KCNK2: variants seen among roughly 807,000 people sequenced by gnomAD.
KCNK2 encodes the protein potassium channel subfamily K member 2.
A neutral mutation model predicts 40.5 loss-of-function variants in KCNK2; 21 were observed. That is an observed-to-expected ratio of 0.52 (90% CI 0.37 to 0.75). The LOEUF (loss-of-function observed/expected upper bound fraction) is 0.75, where lower values mean the gene tolerates loss of function less well. Among genes scored for constraint, KCNK2 ranks in the 30% least tolerant of loss-of-function variants. The probability of loss-of-function intolerance (pLI) is 0.00; values close to 1 mark genes in which losing one functional copy is unlikely to be tolerated. For missense variants in KCNK2, 399 were observed against 531.6 expected (o/e 0.75, Z 2.45); for synonymous variants, 191 against 202.2 (o/e 0.94, Z 0.47).
chr1:215,090,887 T>C (rs1442922563), intron 2 of KCNK2, among the ~76,000 whole-genome samples: 1 of 152,184 alleles, frequency 6.6e-6, no homozygotes, highest in Non-Finnish European at 1.5e-5. Context: ...CTTCTCTTTA[T>C]ACTAGGCATC....
chr1:215,177,740 A>ATATTTTT (rs71167812), intron 5 of KCNK2, among the ~76,000 whole-genome samples: 1,771 of 101,506 alleles, frequency 0.017, 39 homozygotes, highest in East Asian at 0.039. Context: ...ATATATATAT[A>ATATTTTT]TTTTTTTTTT....
At chr1:215,203,497 TATCTC>T (rs2102675506) in intron 6 of KCNK2, among the ~76,000 whole-genome samples, 1 of 152,164 alleles carries the variant, frequency 6.6e-6, no homozygotes, top group South Asian at 2.1e-4. Flanking sequence ...AATATCAAAT[TATCTC>T]AAATCAATTT....
At chr1:215,080,870 T>TA (rs1659127665), upstream of KCNK2, among the ~76,000 whole-genome samples, 1 of 152,212 alleles carries the variant, frequency 6.6e-6, no homozygotes, top group Non-Finnish European at 1.5e-5. Context: ...AACACGAATC[T>TA]AAAATCTAAG....
intron 2 of KCNK2, among the ~76,000 whole-genome samples, 161 bp downstream of exon 2, chr1:215,086,839 C>T (rs1226536568): frequency 6.6e-6 from 1 of 152,186 alleles, no homozygotes; most frequent in African/African-American, 2.4e-5. Context: ...TTCTTTGTCT[C>T]ATTTCCACTT....
intron 1 of KCNK2, among the ~76,000 whole-genome samples, chr1:215,021,694 C>T (rs1474894267): frequency 3.9e-5 from 6 of 151,930 alleles, no homozygotes; most frequent in South Asian, 2.1e-4. Context: ...TACAGGCGCC[C>T]GCCACCACGC....
intron 1 of KCNK2, among the ~76,000 whole-genome samples, chr1:215,033,953 C>G (rs1199712398): frequency 6.6e-6 from 1 of 152,148 alleles, no homozygotes; most frequent in Non-Finnish European, 1.5e-5. Flanking sequence ...CAAGTTTTAT[C>G]TCTTGGTCTT....
intron 1 of KCNK2, among the ~76,000 whole-genome samples, chr1:215,065,561 C>A (rs1157492): frequency 6.6e-6 from 1 of 151,838 alleles, no homozygotes; most frequent in Non-Finnish European, 1.5e-5. Flanking sequence ...CTTCTTAATG[C>A]CTCAGTTTCA....
At chr1:215,223,176 G>A (rs542345431) in intron 6 of KCNK2, among the ~76,000 whole-genome samples, 43 of 140,984 alleles carry the variant, frequency 3.0e-4, no homozygotes, top group Non-Finnish European at 5.5e-4. Flanking sequence ...GAAGCCATCC[G>A]TTAGGTGGAA....
At chr1:215,099,710 A>G (rs754761279) in intron 2 of KCNK2, among the ~76,000 whole-genome samples, 16 of 151,958 alleles carry the variant, frequency 1.1e-4, no homozygotes, top group Admixed American at 1.1e-3. Context: ...AGCACATTTT[A>G]AGGAAAAAAG....
intron 6 of KCNK2, among the ~76,000 whole-genome samples, chr1:215,206,197 A>G (rs576322049): frequency 6.6e-6 from 1 of 152,284 alleles, no homozygotes; most frequent in African/African-American, 2.4e-5. Flanking sequence ...GTGATGCTGA[A>G]TCGGTTTTGT....
At chr1:215,108,832 G>A (rs951340783) in intron 2 of KCNK2, among the ~76,000 whole-genome samples, 1 of 151,642 alleles carries the variant, frequency 6.6e-6, no homozygotes, top group Non-Finnish European at 1.5e-5. Context: ...GTGGATGTGT[G>A]TGTGTGAGGG....
At chr1:215,139,723 A>G (rs1028780404) in intron 3 of KCNK2, among the ~76,000 whole-genome samples, 8 of 151,468 alleles carry the variant, frequency 5.3e-5, no homozygotes, top group African/African-American at 1.9e-4. Flanking sequence ...GTGGAGGTTC[A>G]AAAAAAAAGT....
intron 1 of KCNK2, among the ~76,000 whole-genome samples, chr1:215,021,824 C>T (rs902432026): frequency 1.3e-5 from 2 of 152,160 alleles, no homozygotes; most frequent in African/African-American, 2.4e-5. Flanking sequence ...GCTGGGATTA[C>T]AGGCGTGAGC....
At chr1:215,070,978 A>T (rs1175312767) in intron 1 of KCNK2, among the ~76,000 whole-genome samples, 2 of 152,364 alleles carry the variant, frequency 1.3e-5, no homozygotes, top group East Asian at 3.9e-4. Context: ...CAAATCAATT[A>T]TTAATGTAAT....
intron 1 of KCNK2, chr1:215,083,651 T>G (rs531293739): frequency 3.0e-5 from 18 of 603,904 alleles, no homozygotes; most frequent in African/African-American, 2.4e-4. Flanking sequence ...CCGGGGTTTT[T>G]GCATCTGCCT....
At chr1:215,044,818 TGTGTGTGTGCGCGCGCACAC>T (rs1289838695) in intron 1 of KCNK2, among the ~76,000 whole-genome samples, 1 of 63,768 alleles carries the variant, frequency 1.6e-5, no homozygotes, top group East Asian at 5.6e-4. Flanking sequence ...TGTGTGTGTG[TGTGTGTGTGCGCGCGCACAC>T]GTGTGTTGAT....
intron 5 of KCNK2, among the ~76,000 whole-genome samples, chr1:215,173,082 T>G (rs540460291): frequency 1.3e-5 from 2 of 151,926 alleles, no homozygotes; most frequent in Non-Finnish European, 2.9e-5. Flanking sequence ...AACTCGTCAT[T>G]TACATTAGGT....
chr1:215,230,217 G>T (rs942289378), intron 6 of KCNK2, among the ~76,000 whole-genome samples: 3 of 149,364 alleles, frequency 2.0e-5, no homozygotes, highest in Admixed American at 6.7e-5. Context: ...CATAGAGTGC[G>T]CTTACACAAA....
At chr1:215,171,918 TTG>T in intron 4 of KCNK2, 77 bp from the exon 5 acceptor site, 1 of 785,128 alleles carries the variant, frequency 1.3e-6, no homozygotes, top group Non-Finnish European at 1.8e-6. Context: ...CTCTCTCTCT[TTG>T]TCTCTCTCTC....
Sources: gnomAD v4.1 joint callset for allele counts (sites outside exome capture counted in the v4.1 genomes callset) on GRCh38, gnomAD v4.1.1 for gene constraint, MANE v1.5 for transcripts, NCBI Gene and HGNC (gene_info 2026-07-23, HGNC 2026-07-21) for gene names.